DLGAP2: variants seen among roughly 807,000 people sequenced by gnomAD.
DLGAP2 encodes DLG associated protein 2.
Under a neutral mutation model 100.3 loss-of-function variants are expected in DLGAP2, and 26 were observed. That is an observed-to-expected ratio of 0.26 (90% CI 0.19 to 0.36). The LOEUF is 0.36. Among genes scored for constraint, DLGAP2 ranks in the 10% least tolerant of loss-of-function variants. The probability of loss-of-function intolerance (pLI) is 1.00; values close to 1 mark genes in which losing one functional copy is unlikely to be tolerated. For synonymous variants in DLGAP2, 886 were observed against 630.1 expected (o/e 1.41, Z -6.08); for missense variants, 1,858 against 1,453.2 (o/e 1.28, Z -4.53).
intron 2 of DLGAP2, among the ~76,000 whole-genome samples, chr8:1,192,944 T>G (rs1797671833): frequency 6.6e-6 from 1 of 152,060 alleles, no homozygotes; most frequent in Admixed American, 6.5e-5. Context: ...GTCCTTGTGA[T>G]AGTTTGCTGA....
At chr8:1,054,852 T>C (rs1055712535) in intron 2 of DLGAP2, among the ~76,000 whole-genome samples, 5 of 152,236 alleles carry the variant, frequency 3.3e-5, no homozygotes, top group Non-Finnish European at 5.9e-5. Context: ...ATCTAAAACA[T>C]TTTTTATTAT....
chr8:774,296 G>C (rs1247115473), intron 1 of DLGAP2, among the ~76,000 whole-genome samples: 3 of 152,154 alleles, frequency 2.0e-5, no homozygotes, highest in Non-Finnish European at 4.4e-5. Context: ...CATTTTGTGA[G>C]TTGCCTGTTC....
At chr8:1,363,746 G>A (rs1802039282) in intron 3 of DLGAP2, among the ~76,000 whole-genome samples, 1 of 152,344 alleles carries the variant, frequency 6.6e-6, no homozygotes, top group East Asian at 1.9e-4. Flanking sequence ...CCTCTCTGGT[G>A]GCTGAGATGC....
chr8:1,365,749 G>T (rs1802094222), intron 3 of DLGAP2, among the ~76,000 whole-genome samples: 2 of 152,342 alleles, frequency 1.3e-5, no homozygotes, highest in African/African-American at 4.8e-5. Flanking sequence ...TGGGAGTTCT[G>T]AGGCCCACGC....
intron 5 of DLGAP2, among the ~76,000 whole-genome samples, chr8:1,550,469 A>G (rs1335657634): frequency 1.3e-5 from 2 of 152,124 alleles, no homozygotes; most frequent in East Asian, 3.9e-4. Flanking sequence ...TAACAACCAC[A>G]GCAAACACAG....
intron 6 of DLGAP2, among the ~76,000 whole-genome samples, chr8:1,610,272 C>G (rs1354837910): frequency 9.9e-5 from 15 of 152,270 alleles, no homozygotes; most frequent in South Asian, 6.2e-4. Flanking sequence ...ACTAAACAAC[C>G]TGCTCCTGAA....
At chr8:978,294 T>TGCCACGCG in intron 2 of DLGAP2, among the ~76,000 whole-genome samples, 1 of 20,196 alleles carries the variant, frequency 5.0e-5, no homozygotes, top group African/African-American at 1.5e-4. Flanking sequence ...TTCTGGTCTT[T>TGCCACGCG]GGTGTTGTGG....
intron 2 of DLGAP2, among the ~76,000 whole-genome samples, chr8:1,019,987 A>T (rs997467578): frequency 6.6e-6 from 1 of 152,230 alleles, no homozygotes; most frequent in Non-Finnish European, 1.5e-5. Context: ...ACTTTGGTTC[A>T]GTATTTTATT....
chr8:767,434 T>TCACTG (rs1235650165), intron 1 of DLGAP2, among the ~76,000 whole-genome samples: 1 of 149,356 alleles, frequency 6.7e-6, no homozygotes, highest in Non-Finnish European at 1.5e-5. Context: ...CGGTCTTGGC[T>TCACTG]CACTGCAAGC....
intron 2 of DLGAP2, among the ~76,000 whole-genome samples, chr8:958,550 G>A (rs1003966713): frequency 7.4e-6 from 1 of 135,342 alleles, no homozygotes; most frequent in Non-Finnish European, 1.5e-5. Flanking sequence ...TGATTGTAAT[G>A]CCATTAGTTA....
chr8:943,238 C>G (rs923008104), intron 2 of DLGAP2, among the ~76,000 whole-genome samples: 5 of 152,128 alleles, frequency 3.3e-5, no homozygotes, highest in African/African-American at 1.2e-4. Context: ...TTCCAGGCAG[C>G]CTTTCTAGGG....
At position 1,287,155 on chromosome 8, in the gene DLGAP2, T is replaced by C. The variant is rs868560238; in HGVS notation, c.106+28272T>C. Among the ~76,000 whole-genome samples the C allele has an allele frequency of 8.4e-3, 824 of 98,518 alleles. 17 individuals are homozygous for C. The highest frequency in any genetic ancestry group is 0.017 in the African/African-American group (462 of 26,882). 64.6% of individuals were successfully genotyped at this position (98,518 alleles called of 152,430 possible). On this transcript the variant is annotated intron_variant, in intron 3 of 14. Coordinates refer to ENST00000637795, the MANE Select transcript of DLGAP2 (RefSeq NM_001346810.2). Reference sequence around the variant, plus strand: ...GCGTGTGTGTGTGTGTGTGTGTGTGTGTGCGCGCGCGCGCGTGGTTCTGTT... The same window carrying C: ...GCGTGTGTGTGTGTGTGTGTGTGTGCGTGCGCGCGCGCGCGTGGTTCTGTT...
chr8:971,592 C>CGAA (rs1800015891), intron 2 of DLGAP2, among the ~76,000 whole-genome samples: 1 of 152,104 alleles, frequency 6.6e-6, no homozygotes, highest in African/African-American at 2.4e-5. Flanking sequence ...TCTGGAGAGC[C>CGAA]CATTCTACTT....
At position 1,254,783 on chromosome 8, in the gene DLGAP2, A is replaced by T. The variant is rs139886959; in HGVS notation, c.74-4068A>T. 1.8e-3 allele frequency among the ~76,000 whole-genome samples: 275 copies of T among 151,112 alleles called. 1 individual carries two copies. The highest frequency in any genetic ancestry group is 5.4e-3 in the African/African-American group (223 of 41,010). ...GCAGAGTTGTTGACTTTTGGATTTTAGCTTCCCTGGCCCACGCAGTTCACT... is the reference window on the plus strand; with the variant it reads ...GCAGAGTTGTTGACTTTTGGATTTTTGCTTCCCTGGCCCACGCAGTTCACT... On this transcript the variant is annotated intron_variant, in intron 2 of 14. Coordinates refer to ENST00000637795, the MANE Select transcript of DLGAP2 (RefSeq NM_001346810.2).
chr8:1,371,481 C>A (rs905818787), intron 3 of DLGAP2, among the ~76,000 whole-genome samples: 5 of 152,204 alleles, frequency 3.3e-5, no homozygotes, highest in Non-Finnish European at 7.3e-5. Flanking sequence ...CAGCGCGTTG[C>A]TGCCCAGTCA....
chr8:1,195,926 A>G (rs1232226603), intron 2 of DLGAP2, among the ~76,000 whole-genome samples: 1 of 152,150 alleles, frequency 6.6e-6, no homozygotes, highest in Non-Finnish European at 1.5e-5. Context: ...GTGCAAGAAT[A>G]TTTTGTTTCA....
intron 4 of DLGAP2, among the ~76,000 whole-genome samples, chr8:1,547,626 C>T (rs969132575): frequency 1.3e-5 from 2 of 152,130 alleles, no homozygotes; most frequent in Admixed American, 1.3e-4. Flanking sequence ...AGCGCCCAGC[C>T]GCCTTCCCAG....
At chr8:861,270 C>A (rs990177865) in intron 1 of DLGAP2, among the ~76,000 whole-genome samples, 6 of 152,190 alleles carry the variant, frequency 3.9e-5, no homozygotes, top group African/African-American at 1.4e-4. Flanking sequence ...AGCTGCGTAT[C>A]TGGGAGCTGC....
intron 3 of DLGAP2, among the ~76,000 whole-genome samples, chr8:1,315,243 G>A (rs143242995): frequency 0.044 from 6,057 of 137,222 alleles, 231 homozygotes; most frequent in East Asian, 0.11. Flanking sequence ...TGTCTCTCCA[G>A]CAGTGGTCTA....
Sources: allele counts gnomAD v4.1 joint callset (sites outside exome capture counted in the v4.1 genomes callset), GRCh38; gene constraint gnomAD v4.1.1; transcripts MANE v1.5; gene names NCBI Gene and HGNC (gene_info 2026-07-23, HGNC 2026-07-21).